Variants in SH2D4B observed in about 807,000 individuals in gnomAD.
SH2D4B encodes SH2 domain containing 4B.
In SH2D4B, 45 loss-of-function variants were observed where a neutral mutation model predicts 61.5. The ratio of observed to expected loss-of-function variants is 0.73; its 90% confidence interval spans 0.58 to 0.94. The LOEUF is 0.94. SH2D4B is among the 40% of genes least tolerant of loss of function. The pLI, the probability that SH2D4B is intolerant of heterozygous loss-of-function variation, is 0.00. For missense variants in SH2D4B, 572 were observed against 574.2 expected (o/e 1.00, Z 0.04); for synonymous variants, 224 against 220.4 (o/e 1.02, Z -0.14).
Position 80,603,532 on chromosome 10 carries a change from C to T in SH2D4B, c.644-47C>T, listed in dbSNP as rs1386376985. 6.8e-6 allele frequency: 10 copies of T among 1,473,638 alleles called. No homozygotes were observed. In the African/African-American group the frequency reaches 7.0e-5, roughly 10 times the overall value. The allele number at this position is 1,473,638 out of a possible 1,614,324, so 91.3% of individuals were successfully genotyped here. A position where few individuals can be genotyped will look rare whatever the true frequency, so the allele number is the denominator to read the frequency against. Reference sequence around the variant, plus strand: ...TCCTGTCCCAGCTGGCGCAGTGCACCGCCTGGGCTGCGGATCTGGGCTAAC... The same window carrying T: ...TCCTGTCCCAGCTGGCGCAGTGCACTGCCTGGGCTGCGGATCTGGGCTAAC... On this transcript the variant is annotated intron_variant, in intron 4 of 7. Coordinates refer to ENST00000646907, the MANE Select transcript of SH2D4B (RefSeq NM_001388272.1).
chr10:80,562,925 G>A (rs796641908), intron 1 of SH2D4B, among the ~76,000 whole-genome samples: 2 of 128,814 alleles, frequency 1.6e-5, no homozygotes, highest in Non-Finnish European at 3.2e-5. Context: ...TTTTTGAGAC[G>A]GAGTCTCGCT....
intron 1 of SH2D4B, among the ~76,000 whole-genome samples, chr10:80,567,957 C>T (rs543386083): frequency 6.6e-6 from 1 of 152,204 alleles, no homozygotes; most frequent in Non-Finnish European, 1.5e-5. Context: ...CCAGTAACAA[C>T]ATCTAAAATT....
rs182470318 is a variant in SH2D4B at position 80,588,276 on chromosome 10, T to C, written c.496-354T>C. The stretch of plus-strand genomic sequence containing the variant: ...AAACTAGGGAGGAGTTAGGAAGCAA[T>C]CATCTCATTGAGGGGTCAGGCATCT... On this transcript the variant is annotated intron_variant, in intron 3 of 7. Coordinates refer to ENST00000646907, the MANE Select transcript of SH2D4B (RefSeq NM_001388272.1). Among the ~76,000 whole-genome samples the C allele has an allele frequency of 2.9e-3, 446 of 152,234 alleles. 2 individuals carry two copies. Among genetic ancestry groups the C allele is most frequent in the African/African-American group, 9.9e-3 (413 of 41,546 alleles).
chr10:80,612,701 G>A (rs1277176878), intron 6 of SH2D4B, among the ~76,000 whole-genome samples: 1 of 152,182 alleles, frequency 6.6e-6, no homozygotes, highest in South Asian at 2.1e-4. Context: ...AATATAATCT[G>A]TCAGAATCCC....
chr10:80,552,594 A>G (rs990819308), intron 1 of SH2D4B, among the ~76,000 whole-genome samples: 5 of 152,174 alleles, frequency 3.3e-5, no homozygotes, highest in African/African-American at 1.2e-4. Flanking sequence ...CACTCCCTGT[A>G]ACCCAATCCC....
At chr10:80,590,531 G>C (rs1009740323) in intron 4 of SH2D4B, among the ~76,000 whole-genome samples, 2 of 152,162 alleles carry the variant, frequency 1.3e-5, no homozygotes, top group African/African-American at 4.8e-5. Context: ...CCAAAGGCTA[G>C]TGACGCGATC....
intron 6 of SH2D4B, among the ~76,000 whole-genome samples, chr10:80,619,234 G>A (rs575535352): frequency 3.8e-4 from 58 of 152,348 alleles, no homozygotes; most frequent in African/African-American, 1.4e-3. Flanking sequence ...TGCTGGCACA[G>A]GAAGGGTGAA....
At chr10:80,585,320 C>T (rs1008629888) in intron 3 of SH2D4B, among the ~76,000 whole-genome samples, 3 of 138,024 alleles carry the variant, frequency 2.2e-5, no homozygotes, top group Admixed American at 1.4e-4. Flanking sequence ...ACAGACTCCT[C>T]TTTTTCTTTT....
chr10:80,546,651 G>A (rs1046199359), intron 1 of SH2D4B, among the ~76,000 whole-genome samples: 2 of 150,722 alleles, frequency 1.3e-5, no homozygotes, highest in African/African-American at 2.4e-5. Context: ...TCAGCCTCCC[G>A]AGTAGCTGGA....
intron 1 of SH2D4B, among the ~76,000 whole-genome samples, chr10:80,554,925 C>T (rs866973846): frequency 2.1e-5 from 3 of 140,496 alleles, no homozygotes; most frequent in Middle Eastern, 3.8e-3. Flanking sequence ...AGGAGAATGG[C>T]GTGAACCCAG....
chr10:80,567,936 G>A lies in SH2D4B; in HGVS notation c.185-2218G>A, dbSNP rs373985618. 3.9e-5 allele frequency among the ~76,000 whole-genome samples: 6 copies of A among 152,282 alleles called. No individual in the cohort carries two copies. The East Asian group carries it at 5.8e-4, about 15-fold the overall frequency. On this transcript the variant is annotated intron_variant, in intron 1 of 7. Coordinates refer to ENST00000646907, the MANE Select transcript of SH2D4B (RefSeq NM_001388272.1). ...TCAAAAACTTAGGGGGCTTCTGTTC[G>A]CTTCCATGTCCCAGTAACAACATCT... is the stretch of plus-strand genomic sequence containing the variant.
intron 7 of SH2D4B, among the ~76,000 whole-genome samples, 188 bp from the exon 8 acceptor site, chr10:80,643,805 T>C (rs78644403): frequency 0.06 from 9,190 of 152,074 alleles, 941 homozygotes; most frequent in African/African-American, 0.21. Flanking sequence ...TTTTTTTTTT[T>C]CCAGTACTTT....
At chr10:80,545,869 A>G (rs1841671450) in intron 1 of SH2D4B, among the ~76,000 whole-genome samples, 1 of 152,186 alleles carries the variant, frequency 6.6e-6, no homozygotes, top group Admixed American at 6.5e-5. Flanking sequence ...AAAGTATAGA[A>G]ATCAGAATAT....
At chr10:80,589,000 C>CTTTTTT in intron 4 of SH2D4B, among the ~76,000 whole-genome samples, 1 of 147,084 alleles carries the variant, frequency 6.8e-6, no homozygotes, top group African/African-American at 2.5e-5. Context: ...TTTTCTTTTT[C>CTTTTTT]TTTTTTTTTT....
At chr10:80,547,257 C>T (rs1343516898) in intron 1 of SH2D4B, among the ~76,000 whole-genome samples, 3 of 152,228 alleles carry the variant, frequency 2.0e-5, no homozygotes, top group Non-Finnish European at 4.4e-5. Flanking sequence ...AGTCACTAAA[C>T]ACCATGGGAA....
intron 1 of SH2D4B, among the ~76,000 whole-genome samples, chr10:80,543,329 C>A (rs894627681): frequency 1.5e-4 from 23 of 152,124 alleles, no homozygotes; most frequent in African/African-American, 5.5e-4. Context: ...CTGGGCGGAC[C>A]CCGCACTCGG....
At chr10:80,626,330 A>G (rs1842767114) in intron 6 of SH2D4B, among the ~76,000 whole-genome samples, 1 of 152,078 alleles carries the variant, frequency 6.6e-6, no homozygotes, top group African/African-American at 2.4e-5. Context: ...TCTGGCTTTT[A>G]TGGTTGCAAC....
intron 6 of SH2D4B, among the ~76,000 whole-genome samples, chr10:80,612,821 CAT>C (rs1564784045): frequency 2.0e-5 from 3 of 152,148 alleles, no homozygotes; most frequent in South Asian, 2.1e-4. Context: ...TCCTCAAACA[CAT>C]GTGGATTTGT....
chr10:80,541,020 A>C lies in SH2D4B; in HGVS notation c.184+2505A>C, dbSNP rs1589327119. Reference sequence around the variant, plus strand: ...AATGAGTCAGAATGATAGGAAAGGCAAGAAACTGTTAGTGAGAAGCGAAAG... The same window carrying C: ...AATGAGTCAGAATGATAGGAAAGGCCAGAAACTGTTAGTGAGAAGCGAAAG... On this transcript the variant is annotated intron_variant, in intron 1 of 7. Transcript: ENST00000646907. 1.4e-5 allele frequency: 14 copies of C among 988,640 alleles called. No homozygotes were observed. The East Asian group carries it at 1.8e-4, about 13-fold the overall frequency. The allele number at this position is 988,640 out of a possible 1,614,324, so 61.2% of individuals were successfully genotyped here.
Sources: gnomAD v4.1 joint callset for allele counts (sites outside exome capture counted in the v4.1 genomes callset) on GRCh38, gnomAD v4.1.1 for gene constraint, MANE v1.5 for transcripts, NCBI Gene and HGNC (gene_info 2026-07-23, HGNC 2026-07-21) for gene names.